Variants in GSG1L observed in about 807,000 individuals in gnomAD.
GSG1L encodes the protein GSG1 like.
In GSG1L, 24 loss-of-function variants were observed where a neutral mutation model predicts 42.1. That is an observed-to-expected ratio of 0.57 (90% CI 0.41 to 0.80). The LOEUF (loss-of-function observed/expected upper bound fraction) is 0.80, where lower values mean the gene tolerates loss of function less well. Among genes scored for constraint, GSG1L ranks in the 30% least tolerant of loss-of-function variants. GSG1L has a pLI of 0.00. For missense variants in GSG1L, 445 were observed against 472.2 expected (o/e 0.94, Z 0.53); for synonymous variants, 215 against 203.5 (o/e 1.06, Z -0.48).
At chr16:28,011,521 G>A (rs181606818) in intron 1 of GSG1L, among the ~76,000 whole-genome samples, 22 of 152,342 alleles carry the variant, frequency 1.4e-4, no homozygotes, top group East Asian at 1.3e-3. Context: ...CGAGTCAGTC[G>A]TGGCCATGTG....
chr16:27,939,745 G>C (rs1266579324), intron 2 of GSG1L, among the ~76,000 whole-genome samples: 1 of 152,210 alleles, frequency 6.6e-6, no homozygotes, highest in Non-Finnish European at 1.5e-5. Flanking sequence ...GACCGAGGAA[G>C]GGATGTCAGA....
rs80354206 is a variant in GSG1L, at chr16:27,900,622, G to A, written c.398-15984C>T. Among the ~76,000 whole-genome samples the A allele has an allele frequency of 9.1e-4, 139 of 152,274 alleles. 1 individual carries two copies. The East Asian group carries it at 0.022, about 24-fold the overall frequency. ...GATTCACCCAAGATCCTGCAGCATT[G>A]GCAAGGGGAGTTAGGAATGGTGCCT... On this transcript the variant is annotated intron_variant, in intron 2 of 6. Coordinates refer to ENST00000447459, the MANE Select transcript of GSG1L (RefSeq NM_001109763.2).
At chr16:27,852,150 G>T (rs1343134995) in intron 3 of GSG1L, among the ~76,000 whole-genome samples, 1 of 152,252 alleles carries the variant, frequency 6.6e-6, no homozygotes, top group Admixed American at 6.5e-5. Flanking sequence ...AGAACACGCA[G>T]TGAGCACTCA....
chr16:28,036,248 G>A (rs765316381), intron 1 of GSG1L, among the ~76,000 whole-genome samples: 5 of 152,146 alleles, frequency 3.3e-5, no homozygotes, highest in Non-Finnish European at 5.9e-5. Context: ...CCTGTGTCAG[G>A]AAACTCACTA....
intron 5 of GSG1L, among the ~76,000 whole-genome samples, chr16:27,820,236 C>A (rs772743051): frequency 8.5e-5 from 13 of 152,130 alleles, no homozygotes; most frequent in Non-Finnish European, 1.8e-4. Flanking sequence ...GGAGCGGGTT[C>A]TTCTAATATG....
Position 27,853,233 on chromosome 16 carries a change from C to T in GSG1L, c.551-8172G>A, listed in dbSNP as rs190183676. 5.0e-3 allele frequency among the ~76,000 whole-genome samples: 766 copies of T among 152,334 alleles called. 2 individuals are homozygous for T. Among genetic ancestry groups the T allele is most frequent in the South Asian group, 0.014 (68 of 4,828 alleles). ...GCCTGGCTTTTCCCTGTGCCCTCTG[C>T]CCTGGGGGAACCCCACGTGGCCAGG... On this transcript the variant is annotated intron_variant, in intron 3 of 6. Coordinates refer to ENST00000447459, the MANE Select transcript of GSG1L (RefSeq NM_001109763.2).
At chr16:27,863,711 C>G (rs1432641161) in intron 3 of GSG1L, among the ~76,000 whole-genome samples, 1 of 152,202 alleles carries the variant, frequency 6.6e-6, no homozygotes, top group East Asian at 1.9e-4. Context: ...TTCGAGATGA[C>G]AGCCAAAAGA....
chr16:28,057,171 T>A (rs535830941), intron 1 of GSG1L, among the ~76,000 whole-genome samples: 1 of 151,716 alleles, frequency 6.6e-6, no homozygotes, highest in African/African-American at 2.4e-5. Context: ...TGTGACTGAG[T>A]GAGGAAGGGT....
intron 1 of GSG1L, among the ~76,000 whole-genome samples, chr16:28,043,312 C>G (rs1240967225): frequency 6.6e-6 from 1 of 152,152 alleles, no homozygotes; most frequent in Admixed American, 6.5e-5. Context: ...ATCCTCAAAG[C>G]TGGTCTAGCA....
intron 5 of GSG1L, chr16:27,824,008 T>A: frequency 1.4e-6 from 1 of 692,410 alleles, no homozygotes; most frequent in Non-Finnish European, 2.6e-6. Flanking sequence ...GAGAGCCTTA[T>A]ACAGGGCCAC....
At chr16:28,036,991 CA>C (rs565816184) in intron 1 of GSG1L, among the ~76,000 whole-genome samples, 1,952 of 152,284 alleles carry the variant, frequency 0.013, 25 homozygotes, top group Non-Finnish European at 0.021. Flanking sequence ...TTCACAGGGA[CA>C]ACTTTATCTT....
At chr16:27,816,236 G>C (rs1296261544) in intron 5 of GSG1L, among the ~76,000 whole-genome samples, 1 of 152,160 alleles carries the variant, frequency 6.6e-6, no homozygotes, top group Non-Finnish European at 1.5e-5. Flanking sequence ...CCAGCATTTA[G>C]AGCTGTCGCT....
chr16:28,049,918 C>T (rs765965852), intron 1 of GSG1L, among the ~76,000 whole-genome samples: 1 of 152,154 alleles, frequency 6.6e-6, no homozygotes, highest in Non-Finnish European at 1.5e-5. Flanking sequence ...GGAATTCAAG[C>T]ACTACATCTC....
chr16:27,888,465 TCTCTCTCTCTCTC>T (rs2084065517), intron 2 of GSG1L, among the ~76,000 whole-genome samples: 3 of 25,404 alleles, frequency 1.2e-4, no homozygotes, highest in African/African-American at 3.2e-4. Flanking sequence ...TCTTTCTTTC[TCTCTCTCTCTCTC>T]TTTCCTTTCT....
At chr16:28,024,776 A>C (rs2085881770) in intron 1 of GSG1L, among the ~76,000 whole-genome samples, 1 of 152,200 alleles carries the variant, frequency 6.6e-6, no homozygotes, top group Admixed American at 6.5e-5. Flanking sequence ...TGAGATATTG[A>C]CTAGAAAGGC....
rs533200632 is a variant in GSG1L, at chr16:27,949,757, C to T, written c.397+13399G>A. Among the ~76,000 whole-genome samples the T allele has an allele frequency of 2.0e-5, 3 of 152,062 alleles. No homozygotes were observed. The South Asian group carries it at 6.2e-4, about 32-fold the overall frequency. On this transcript the variant is annotated intron_variant, in intron 2 of 6. Coordinates refer to ENST00000447459, the MANE Select transcript of GSG1L (RefSeq NM_001109763.2). ...TGGCTAACACGATGAAACCCCGTCT[C>T]TACTAAAAATACAAAAAATTAGCTG... is the stretch of plus-strand genomic sequence containing the variant.
chr16:27,894,932 G>T (rs762497541), intron 2 of GSG1L, among the ~76,000 whole-genome samples: 1 of 152,148 alleles, frequency 6.6e-6, no homozygotes, highest in African/African-American at 2.4e-5. Context: ...AGGTTCGAGG[G>T]GGAAAGGGCT....
chr16:27,936,196 T>G (rs924475666), intron 2 of GSG1L, among the ~76,000 whole-genome samples: 2 of 152,004 alleles, frequency 1.3e-5, no homozygotes, highest in African/African-American at 4.8e-5. Flanking sequence ...CCTGCCCACT[T>G]TACAAGGAAG....
chr16:27,871,112 G>A (rs74015116), intron 3 of GSG1L, among the ~76,000 whole-genome samples: 2,373 of 151,950 alleles, frequency 0.016, 67 homozygotes, highest in African/African-American at 0.054. Flanking sequence ...TGCTGATTCC[G>A]TGTCCAGCCA....
Sources: gnomAD v4.1 joint callset for allele counts (sites outside exome capture counted in the v4.1 genomes callset) on GRCh38, gnomAD v4.1.1 for gene constraint, MANE v1.5 for transcripts, NCBI Gene and HGNC (gene_info 2026-07-23, HGNC 2026-07-21) for gene names.